Variants in VWA3A observed in about 807,000 individuals in gnomAD.
VWA3A encodes von Willebrand factor A domain-containing protein 3A.
A neutral mutation model predicts 160.4 loss-of-function variants in VWA3A; 134 were observed. The ratio of observed to expected loss-of-function variants is 0.84; its 90% confidence interval spans 0.73 to 0.96. The LOEUF is 0.96. Ranked by LOEUF, VWA3A falls within the 40% of genes least tolerant of loss-of-function variation. The pLI is 0.00. For synonymous variants in VWA3A, 476 were observed against 543.4 expected (o/e 0.88, Z 1.72); for missense variants, 1,310 against 1,447.9 (o/e 0.90, Z 1.55).
At chr16:22,108,583 G>A (rs76514362) in intron 6 of VWA3A, among the ~76,000 whole-genome samples, 2,936 of 152,270 alleles carry the variant, frequency 0.019, 38 homozygotes, top group Middle Eastern at 0.037. Context: ...TGCTGGAGGT[G>A]TGAGAGGAGA....
intron 30 of VWA3A, among the ~76,000 whole-genome samples, chr16:22,152,157 G>C (rs1238195229): frequency 6.6e-6 from 1 of 152,174 alleles, no homozygotes; most frequent in Non-Finnish European, 1.5e-5. Flanking sequence ...GTTGCAGTGA[G>C]CCAAGATTGT....
chr16:22,156,712 C>T lies in VWA3A; in HGVS notation c.*695C>T, dbSNP rs1567232318. 1 of 152,180 alleles carries T rather than the reference C, an allele frequency of 6.6e-6. No individual in the cohort carries two copies. Among genetic ancestry groups the T allele is most frequent in the Non-Finnish European group, 1.5e-5 (1 of 68,046 alleles). The allele number at this position is 152,180 out of a possible 1,614,324, so 9.4% of individuals were successfully genotyped here. On this transcript the variant is annotated 3_prime_UTR_variant, in exon 34 of 34. Coordinates refer to ENST00000389398, the MANE Select transcript of VWA3A (RefSeq NM_173615.5). ...GGCTAATGCAGAGTCACAGTCAGCC[C>T]ATCCTGGGGGAAGAAGAAACAAGTG...
intron 9 of VWA3A, among the ~76,000 whole-genome samples, chr16:22,115,891 AAGG>A (rs2045626613): frequency 1.7e-3 from 58 of 34,370 alleles, no homozygotes; most frequent in South Asian, 0.011. Flanking sequence ...GGAAGGAAGG[AAGG>A]AAGGAAGGAA....
chr16:22,106,156 A>G (rs1247805989), intron 6 of VWA3A, among the ~76,000 whole-genome samples: 1 of 152,126 alleles, frequency 6.6e-6, no homozygotes, highest in African/African-American at 2.4e-5. Context: ...AGGCCGAGGC[A>G]GATGGATCAC....
At position 22,148,210 on chromosome 16, in the gene VWA3A, T is replaced by G. The variant is rs552040854; in HGVS notation, c.2888T>G (p.Leu963Trp). 1.2e-6 allele frequency: 2 copies of G among 1,602,774 alleles called. No homozygotes were observed. The highest frequency in any genetic ancestry group is 1.7e-6 in the Non-Finnish European group (2 of 1,174,934). Residue 963 changes from leucine (L) to tryptophan (W), a missense_variant, in exon 28 of 34, where the codon TTG becomes TGG. Physicochemically the swap from Leu to Trp is moderately conservative, Grantham distance 61. Transcript: ENST00000389398. ...GTVLESKVCI[L>W]LDTSGSMGPY... is the part of the protein sequence containing the mutation. ...GTTTTGGAGAGCAAAGTATGCATAT[T>G]GCTGGACACGTCAGGGTCCATGGGC...
chr16:22,116,906 G>C (rs370036971), intron 10 of VWA3A, 39 bp downstream of exon 10: 23 of 1,589,924 alleles, frequency 1.4e-5, no homozygotes, highest in South Asian at 3.3e-5. Context: ...CCTTGGCTTT[G>C]GTGGTAGTGA....
rs2142016489 is a variant in VWA3A, at chr16:22,147,898, G to A, written c.2840-264G>A. ...AATTCAAGCCCAGGAGGTTATAACC[G>A]CTTGTGCAACTCATCACAGACAAAG... On this transcript the variant is annotated intron_variant, in intron 27 of 33. Transcript: ENST00000389398. 1.3e-5 allele frequency among the ~76,000 whole-genome samples: 2 copies of A among 152,216 alleles called. 1 individual carries two copies. The highest frequency in any genetic ancestry group is 4.1e-4 in the South Asian group (2 of 4,820).
chr16:22,115,093 C>T (rs1328207640), intron 8 of VWA3A, among the ~76,000 whole-genome samples: 1 of 152,060 alleles, frequency 6.6e-6, no homozygotes, highest in Admixed American at 6.6e-5. Context: ...AGGCATGAAC[C>T]ACCATGCCCG....
rs1377916359 is a variant in VWA3A at position 22,138,403 on chromosome 16, T to C, written c.2183T>C (p.Val728Ala). 1 of 1,609,594 alleles carries C rather than the reference T, an allele frequency of 6.2e-7. No homozygotes were observed. The highest frequency in any genetic ancestry group is 2.2e-5 in the East Asian group (1 of 44,764). The part of the protein sequence containing the change: ...MASLKNHSGK[V>A]LGSSALPKEK... ...TCCCTGAAGAACCATTCAGGAAAAG[T>C]ACTGGGAAGTTCAGCCCTCCCGAAA... The change falls in exon 22 of 34, where the codon GTA (valine) becomes GCA (alanine). Residue 728 changes from valine to alanine, a missense_variant. Coordinates refer to ENST00000389398, the MANE Select transcript of VWA3A (RefSeq NM_173615.5).
rs1463160538 is a variant in VWA3A at position 22,138,308 on chromosome 16, T to TGC, written c.2140-51_2140-50insCG. 1.1e-4 allele frequency: 167 copies of TGC among 1,538,850 alleles called. No homozygotes were observed. The African/African-American group carries it at 2.1e-3, about 20-fold the overall frequency. On this transcript the variant is annotated intron_variant, in intron 21 of 33. Coordinates refer to ENST00000389398, the MANE Select transcript of VWA3A (RefSeq NM_173615.5). Reference sequence around the variant, plus strand: ...CCCTCCTGCTGTGTGTGTGTGTGTGTGTGTGTCCACAGTGGCTGGGGGTGC... The same window carrying TGC: ...CCCTCCTGCTGTGTGTGTGTGTGTGTGCGTGTGTCCACAGTGGCTGGGGGTGC...
Position 22,144,392 on chromosome 16 carries a change from A to G in VWA3A, c.2730+8A>G. The G allele has an allele frequency of 6.2e-7, 1 of 1,610,622 alleles. No homozygotes were observed. Among genetic ancestry groups the G allele is most frequent in the Non-Finnish European group, 8.5e-7 (1 of 1,179,108 alleles). ...CCCAGCGTTGAGATCCATGTAAGTCACAATTTTCATCATCGTCTTTTTTTT... is the reference window on the plus strand; with the variant it reads ...CCCAGCGTTGAGATCCATGTAAGTCGCAATTTTCATCATCGTCTTTTTTTT... On this transcript the variant is annotated splice_region_variant and intron_variant, in intron 26 of 33. Coordinates refer to ENST00000389398, the MANE Select transcript of VWA3A (RefSeq NM_173615.5).
At position 22,134,359 on chromosome 16, in the gene VWA3A, T is replaced by C; in HGVS notation, c.2069-9T>C. The C allele has an allele frequency of 6.3e-7, 1 of 1,592,762 alleles. No individual in the cohort carries two copies. The highest frequency in any genetic ancestry group is 1.1e-5 in the South Asian group (1 of 87,254). On this transcript the variant is annotated splice_polypyrimidine_tract_variant and intron_variant, in intron 20 of 33. Transcript: ENST00000389398. ...GTCTCACCTTGCTCACGATGTGCTT[T>C]GTTTCCAGGCATTTATGAGAGCGAT...
At chr16:22,113,986 T>G (rs2045594657) in intron 8 of VWA3A, among the ~76,000 whole-genome samples, 1 of 151,396 alleles carries the variant, frequency 6.6e-6, no homozygotes, top group South Asian at 2.1e-4. Flanking sequence ...TATATTTCTA[T>G]AATTAGAAAG....
chr16:22,101,176 G>C (rs924561781), intron 5 of VWA3A, among the ~76,000 whole-genome samples: 1 of 151,950 alleles, frequency 6.6e-6, no homozygotes, highest in African/African-American at 2.4e-5. Flanking sequence ...AGGATCACTT[G>C]AGCCCAGAAG....
intron 3 of VWA3A, among the ~76,000 whole-genome samples, chr16:22,099,498 G>A (rs1039052302): frequency 6.6e-6 from 1 of 152,190 alleles, no homozygotes; most frequent in Non-Finnish European, 1.5e-5. Context: ...AGCAAGATGG[G>A]GTTATCATAA....
Position 22,117,125 on chromosome 16 carries a change from C to G in VWA3A, c.939C>G (p.Asn313Lys), listed in dbSNP as rs367918879. The G allele has an allele frequency of 1.3e-6, 2 of 1,583,498 alleles. No homozygotes were observed. Among genetic ancestry groups the G allele is most frequent in the Admixed American group, 1.8e-5 (1 of 55,582 alleles). Residue 313 changes from asparagine to lysine, a missense_variant, in exon 11 of 34, where the codon AAC becomes AAG. Coordinates refer to ENST00000389398, the MANE Select transcript of VWA3A (RefSeq NM_173615.5). The part of the protein sequence containing the change: ...DDQMPPAVLK[N>K]LAEAVRGYYH... ...CATCCCTGCAGGCTGTCCTGAAGAA[C>G]CTTGCAGAAGCTGTTAGGGGCTACT... is the stretch of plus-strand genomic sequence containing the variant.
chr16:22,111,615 G>A (rs754801655), intron 8 of VWA3A, among the ~76,000 whole-genome samples: 2 of 152,156 alleles, frequency 1.3e-5, no homozygotes, highest in Non-Finnish European at 2.9e-5. Context: ...CTGAGTAGCT[G>A]AGATTATAGG....
chr16:22,100,380 C>T, intron 4 of VWA3A, 36 bp from the exon 5 acceptor site: 2 of 1,551,642 alleles, frequency 1.3e-6, no homozygotes, highest in Non-Finnish European at 1.7e-6. Context: ...ACCCCCTGGG[C>T]CCGAGAGATC....
intron 16 of VWA3A, among the ~76,000 whole-genome samples, chr16:22,124,545 T>G (rs947825178): frequency 6.8e-6 from 1 of 146,640 alleles, no homozygotes. Context: ...ATTATTATTA[T>G]TATTATTATT....
Sources: gnomAD v4.1 joint callset for allele counts (sites outside exome capture counted in the v4.1 genomes callset) on GRCh38, gnomAD v4.1.1 for gene constraint, MANE v1.5 for transcripts, NCBI Gene and HGNC (gene_info 2026-07-23, HGNC 2026-07-21) for gene names.